The following TRPC4 variants were observed in gnomAD, a reference collection of about 807,000 sequenced individuals.
TRPC4 encodes the protein transient receptor potential cation channel subfamily C member 4.
Under a neutral mutation model 99.4 loss-of-function variants are expected in TRPC4, and 49 were observed. The observed-to-expected ratio is 0.49, with a 90% CI of 0.39 to 0.63. The LOEUF (loss-of-function observed/expected upper bound fraction) is 0.63. TRPC4 is among the 20% of genes least tolerant of loss of function. The pLI is 0.00. For missense variants in TRPC4, 898 were observed against 1,152.9 expected, an observed-to-expected ratio of 0.78 and a Z score of 3.20; for synonymous variants, 454 against 425.9, an observed-to-expected ratio of 1.07 and a Z score of -0.81.
chr13:37,729,357 G>A lies in TRPC4; in HGVS notation c.897+16580C>T, dbSNP rs578001463. 2.4e-4 allele frequency among the ~76,000 whole-genome samples: 36 copies of A among 152,110 alleles called. No homozygotes were observed. The South Asian group carries it at 7.5e-3, about 32-fold the overall frequency. On this transcript the variant is annotated intron_variant, in intron 3 of 10. Coordinates refer to ENST00000379705, the MANE Select transcript of TRPC4 (RefSeq NM_016179.4). ...ATTGTAGGTGAGGATGTGGAGAAAT[G>A]GGTACCCTCATGCAGTGTTGGTGGG... is the stretch of plus-strand genomic sequence containing the variant.
At chr13:37,740,116 G>A (rs1423146694) in intron 3 of TRPC4, among the ~76,000 whole-genome samples, 2 of 152,136 alleles carry the variant, frequency 1.3e-5, no homozygotes, top group Admixed American at 1.3e-4. Flanking sequence ...AGGTCCTTAT[G>A]AGACAGCAAG....
chr13:37,829,324 T>C (rs1958340908), intron 1 of TRPC4, among the ~76,000 whole-genome samples: 1 of 152,210 alleles, frequency 6.6e-6, no homozygotes, highest in South Asian at 2.1e-4. Flanking sequence ...GACATTTCTC[T>C]AAAGATTATA....
At chr13:37,714,693 C>G (rs1389678664) in intron 3 of TRPC4, among the ~76,000 whole-genome samples, 1 of 152,134 alleles carries the variant, frequency 6.6e-6, no homozygotes, top group Admixed American at 6.6e-5. Context: ...ATCAAAGTAT[C>G]ACCCCACATG....
intron 7 of TRPC4, among the ~76,000 whole-genome samples, chr13:37,653,518 C>A (rs1261782589): frequency 6.6e-6 from 1 of 152,048 alleles, no homozygotes; most frequent in Non-Finnish European, 1.5e-5. Context: ...TAAGCAAATG[C>A]TTGGCATGTT....
intron 1 of TRPC4, among the ~76,000 whole-genome samples, chr13:37,803,009 G>A (rs557313403): frequency 6.6e-6 from 1 of 151,504 alleles, no homozygotes; most frequent in Non-Finnish European, 1.5e-5. Flanking sequence ...ATGTCATTAT[G>A]GACTTATATA....
chr13:37,647,623 C>A (rs758350918), intron 8 of TRPC4, among the ~76,000 whole-genome samples: 2 of 152,150 alleles, frequency 1.3e-5, no homozygotes, highest in African/African-American at 4.8e-5. Flanking sequence ...AGACAATGGG[C>A]AAAGTAAACA....
chr13:37,676,991 A>G (rs1424505005), intron 4 of TRPC4, among the ~76,000 whole-genome samples: 1 of 151,888 alleles, frequency 6.6e-6, no homozygotes, highest in Admixed American at 6.6e-5. Context: ...TCTAACATAT[A>G]ATTGACTGCC....
At position 37,758,324 on chromosome 13, in the gene TRPC4, T is replaced by C. The variant is rs1593674576; in HGVS notation, c.379-11869A>G. 2.6e-5 allele frequency among the ~76,000 whole-genome samples: 4 copies of C among 152,026 alleles called. No homozygotes were observed. In the South Asian group the frequency reaches 8.3e-4, roughly 32 times the overall value. ...TCAAAGGAATTATGATATTTTTAGCTATCATTCATTATGGTAAATAATATT... is the reference window on the plus strand; with the variant it reads ...TCAAAGGAATTATGATATTTTTAGCCATCATTCATTATGGTAAATAATATT... On this transcript the variant is annotated intron_variant, in intron 2 of 10. Transcript: ENST00000379705.
In TRPC4 at chr13:37,852,844, T is replaced by C. The variant is rs185853091; in HGVS notation, c.-28+16751A>G. 7.5e-3 allele frequency among the ~76,000 whole-genome samples: 1,135 copies of C among 152,222 alleles called. 7 individuals carry two copies. The highest frequency in any genetic ancestry group is 0.024 in the Middle Eastern group (7 of 294). ...CTGGCAGAACTCCACCATGGGCCAG[T>C]GGTGGTGATGCCCACCAGATGAAGC... On this transcript the variant is annotated intron_variant, in intron 1 of 10. Coordinates refer to ENST00000379705, the MANE Select transcript of TRPC4 (RefSeq NM_016179.4).
chr13:37,645,930 C>A (rs2138575942), intron 8 of TRPC4, among the ~76,000 whole-genome samples: 1 of 152,332 alleles, frequency 6.6e-6, no homozygotes, highest in Non-Finnish European at 1.5e-5. Context: ...GCCAACAAAT[C>A]TTGCAGCAGT....
intron 4 of TRPC4, among the ~76,000 whole-genome samples, chr13:37,680,102 C>T (rs1010212784): frequency 6.6e-6 from 1 of 152,082 alleles, no homozygotes; most frequent in Non-Finnish European, 1.5e-5. Context: ...TGCACTTGGA[C>T]AACATTTTCT....
chr13:37,825,528 G>A (rs1229728005), intron 1 of TRPC4, among the ~76,000 whole-genome samples: 1 of 151,428 alleles, frequency 6.6e-6, no homozygotes, highest in African/African-American at 2.4e-5. Flanking sequence ...ATTTTGTTAT[G>A]TACCCAGTAG....
At chr13:37,813,583 A>G (rs556876337) in intron 1 of TRPC4, among the ~76,000 whole-genome samples, 1 of 151,996 alleles carries the variant, frequency 6.6e-6, no homozygotes, top group South Asian at 2.1e-4. Flanking sequence ...ATTAAAAAAC[A>G]TTAAAAGTGT....
intron 1 of TRPC4, among the ~76,000 whole-genome samples, chr13:37,829,676 CA>C (rs1483062564): frequency 6.6e-6 from 1 of 152,138 alleles, no homozygotes; most frequent in Non-Finnish European, 1.5e-5. Context: ...ATATATGTCA[CA>C]CAGAAATTTG....
chr13:37,736,925 G>T (rs1164912971), intron 3 of TRPC4, among the ~76,000 whole-genome samples: 2 of 140,916 alleles, frequency 1.4e-5, no homozygotes, highest in East Asian at 2.0e-4. Context: ...TAGAGACAAG[G>T]TTGCACCGTG....
chr13:37,670,669 T>C (rs1952808046), intron 5 of TRPC4, among the ~76,000 whole-genome samples: 1 of 152,186 alleles, frequency 6.6e-6, no homozygotes, highest in Admixed American at 6.5e-5. Flanking sequence ...CAGGCAATCA[T>C]CATCATTTGA....
At chr13:37,644,991 A>G (rs1341147984) in intron 8 of TRPC4, among the ~76,000 whole-genome samples, 2 of 151,770 alleles carry the variant, frequency 1.3e-5, no homozygotes, top group Non-Finnish European at 2.9e-5. Context: ...ATTTTGTGAC[A>G]AATCAAGGGC....
chr13:37,813,759 T>A (rs891547701), intron 1 of TRPC4, among the ~76,000 whole-genome samples: 1 of 151,816 alleles, frequency 6.6e-6, no homozygotes, highest in African/African-American at 2.4e-5. Context: ...AAGAAAAGTC[T>A]TCATAGATAA....
At chr13:37,811,235 T>C (rs1957676752) in intron 1 of TRPC4, among the ~76,000 whole-genome samples, 1 of 152,104 alleles carries the variant, frequency 6.6e-6, no homozygotes, top group South Asian at 2.1e-4. Flanking sequence ...TATGCCAAAA[T>C]ACAAATCAAT....
Sources: allele counts gnomAD v4.1 joint callset (sites outside exome capture counted in the v4.1 genomes callset), GRCh38; gene constraint gnomAD v4.1.1; transcripts MANE v1.5; gene names NCBI Gene and HGNC (gene_info 2026-07-23, HGNC 2026-07-21).